Variants in MYO5A observed in about 807,000 individuals in gnomAD.
MYO5A encodes unconventional myosin-Va.
In MYO5A, 98 loss-of-function variants were observed where a neutral mutation model predicts 249.7. That is an observed-to-expected ratio of 0.39 (90% CI 0.33 to 0.46). The LOEUF is 0.46. Ranked by LOEUF, MYO5A falls within the 20% of genes least tolerant of loss-of-function variation. MYO5A has a pLI of 0.98. For synonymous variants in MYO5A, 778 were observed against 810.6 expected (o/e 0.96, Z 0.68); for missense variants, 1,696 against 2,308.8 (o/e 0.73, Z 5.44).
At chr15:52,471,980 T>G (rs2076482360) in intron 1 of MYO5A, among the ~76,000 whole-genome samples, 1 of 152,160 alleles carries the variant, frequency 6.6e-6, no homozygotes, top group Admixed American at 6.5e-5. Context: ...ATTACAGGCA[T>G]GAGCCACTGT....
At chr15:52,390,228 A>G (rs772738939) in intron 12 of MYO5A, among the ~76,000 whole-genome samples, 2 of 152,140 alleles carry the variant, frequency 1.3e-5, no homozygotes, top group Non-Finnish European at 2.9e-5. Flanking sequence ...AGTATTTGAT[A>G]ATAATTTAAT....
At chr15:52,402,745 T>C (rs1320377551) in intron 9 of MYO5A, among the ~76,000 whole-genome samples, 1 of 152,032 alleles carries the variant, frequency 6.6e-6, no homozygotes, top group African/African-American at 2.4e-5. Flanking sequence ...CTCGGGAGGC[T>C]GAGGCTGGAG....
rs2041874664 is a variant in MYO5A, at chr15:52,384,053, G to T, written c.1914+108C>A. On this transcript the variant is annotated intron_variant, in intron 15 of 41. Transcript: ENST00000399233. ...GTATGATCTCACAGTGAAAGCTCTA[G>T]GCTCTCCTCACCTGAGGATCCCACC... The T allele has an allele frequency of 2.2e-6, 3 of 1,358,548 alleles. No homozygotes were observed. In the South Asian group the frequency reaches 3.6e-5, roughly 16 times the overall value. The allele number at this position is 1,358,548 out of a possible 1,614,324, so 84.2% of individuals were successfully genotyped here.
At chr15:52,449,621 G>C (rs1036329688) in intron 1 of MYO5A, among the ~76,000 whole-genome samples, 1 of 152,160 alleles carries the variant, frequency 6.6e-6, no homozygotes, top group Admixed American at 6.5e-5. Context: ...TCCTGTGCCA[G>C]CTCTACCTTC....
intron 9 of MYO5A, among the ~76,000 whole-genome samples, chr15:52,403,256 G>T (rs1332782142): frequency 2.6e-5 from 4 of 152,138 alleles, no homozygotes; most frequent in African/African-American, 4.8e-5. Flanking sequence ...AAAAAATCCA[G>T]TTTGTATACC....
chr15:52,495,046 A>C (rs144908545), intron 1 of MYO5A, among the ~76,000 whole-genome samples: 1 of 152,216 alleles, frequency 6.6e-6, no homozygotes, highest in South Asian at 2.1e-4. Context: ...ATATATATAT[A>C]TCCATATTTT....
intron 5 of MYO5A, among the ~76,000 whole-genome samples, chr15:52,414,174 G>A (rs2043372708): frequency 6.6e-6 from 1 of 152,078 alleles, no homozygotes; most frequent in Non-Finnish European, 1.5e-5. Flanking sequence ...TTATGAAGTC[G>A]GGAGGCCCTC....
intron 34 of MYO5A, 26 bp downstream of exon 34, chr15:52,336,437 C>G: frequency 6.9e-7 from 1 of 1,448,434 alleles, no homozygotes; most frequent in Middle Eastern, 1.7e-4. Flanking sequence ...GACTCAGTGA[C>G]CGTCTTGAAA....
chr15:52,526,967 A>G (rs1030097603), intron 1 of MYO5A, among the ~76,000 whole-genome samples: 3 of 152,210 alleles, frequency 2.0e-5, no homozygotes, highest in African/African-American at 7.2e-5. Flanking sequence ...CACTGGAAGA[A>G]GAATTTTCTT....
chr15:52,432,090 A>G (rs2075553120), intron 2 of MYO5A, among the ~76,000 whole-genome samples: 2 of 152,106 alleles, frequency 1.3e-5, no homozygotes, highest in Admixed American at 1.3e-4. Flanking sequence ...TAAAAGAAAT[A>G]CCCATGAGCC....
intron 1 of MYO5A, among the ~76,000 whole-genome samples, chr15:52,523,025 A>G (rs1348760217): frequency 6.6e-6 from 1 of 152,208 alleles, no homozygotes; most frequent in Non-Finnish European, 1.5e-5. Flanking sequence ...AAGCTATGTA[A>G]AGAAGTATTT....
At chr15:52,489,814 G>C (rs2076899193) in intron 1 of MYO5A, among the ~76,000 whole-genome samples, 1 of 152,172 alleles carries the variant, frequency 6.6e-6, no homozygotes, top group South Asian at 2.1e-4. Flanking sequence ...AACATAGTGA[G>C]ACCTGTCTCT....
intron 18 of MYO5A, among the ~76,000 whole-genome samples, chr15:52,378,514 T>TAAAAAAAAAAAAAAAAAAAAAAAAA (rs2041550952): frequency 4.3e-4 from 1 of 2,330 alleles, no homozygotes; most frequent in Non-Finnish European, 0.013. Context: ...CAAGACTGTC[T>TAAAAAAAAAAAAAAAAAAAAAAAAA]CAAAAAAAAA....
At chr15:52,366,357 A>G (rs1567056468) in intron 23 of MYO5A, among the ~76,000 whole-genome samples, 3 of 152,014 alleles carry the variant, frequency 2.0e-5, no homozygotes, top group Non-Finnish European at 2.9e-5. Context: ...AACAGAATGT[A>G]TATGAAAATG....
chr15:52,443,077 A>C (rs554529388), intron 1 of MYO5A, among the ~76,000 whole-genome samples: 27 of 152,096 alleles, frequency 1.8e-4, no homozygotes, highest in Non-Finnish European at 3.5e-4. Context: ...TTATGAAGGA[A>C]TTCCCCTCCT....
At position 52,340,104 on chromosome 15, in the gene MYO5A, C is replaced by T. The variant is rs545099734; in HGVS notation, c.4239+92G>A. On this transcript the variant is annotated intron_variant, in intron 32 of 41. Transcript: ENST00000399233. ...AACAAGTACAGAGGGGTGAGTTTTT[C>T]CCAGCAAGAAAAACCCGTGTTTGAT... 9.1e-5 allele frequency: 127 copies of T among 1,399,548 alleles called. No individual in the cohort carries two copies. The African/African-American group carries it at 1.6e-3, about 17-fold the overall frequency. The allele number at this position is 1,399,548 out of a possible 1,614,324, so 86.7% of individuals were successfully genotyped here. A position where few individuals can be genotyped will look rare whatever the true frequency, so the allele number is the denominator to read the frequency against.
At chr15:52,397,085 G>A in intron 10 of MYO5A, 116 bp downstream of exon 10, 1 of 1,275,686 alleles carries the variant, frequency 7.8e-7, no homozygotes, top group Non-Finnish European at 1.1e-6. Context: ...ATTGTCATAG[G>A]CAAAGTTTCC....
At chr15:52,415,908 C>G (rs2043460511) in intron 5 of MYO5A, 1 of 541,196 alleles carries the variant, frequency 1.8e-6, no homozygotes, top group African/African-American at 1.9e-5. Flanking sequence ...GCTGGTAGGT[C>G]AAAAATTCAG....
At position 52,321,244 on chromosome 15, in the gene MYO5A, C is replaced by G; in HGVS notation, c.4951+115G>C. The G allele has an allele frequency of 3.6e-6, 5 of 1,385,020 alleles. No homozygotes were observed. The South Asian group carries it at 5.9e-5, about 16-fold the overall frequency. 85.8% of individuals were successfully genotyped at this position (1,385,020 alleles called of 1,614,324 possible). ...CGGCTAATTTTAGCCCTGTATCTTACTACTTTATGCTCCCCAAATGAATAC... is the reference window on the plus strand; with the variant it reads ...CGGCTAATTTTAGCCCTGTATCTTAGTACTTTATGCTCCCCAAATGAATAC... On this transcript the variant is annotated intron_variant, in intron 38 of 41. Coordinates refer to ENST00000399233, the MANE Select transcript of MYO5A (RefSeq NM_001382347.1).
Sources: gnomAD v4.1 joint callset for allele counts (sites outside exome capture counted in the v4.1 genomes callset) on GRCh38, gnomAD v4.1.1 for gene constraint, MANE v1.5 for transcripts, NCBI Gene and HGNC (gene_info 2026-07-23, HGNC 2026-07-21) for gene names.